NRXN3: variants seen among roughly 807,000 people sequenced by gnomAD.
NRXN3 encodes neurexin 3, also known as neurexin III.
Under a neutral mutation model 137.6 loss-of-function variants are expected in NRXN3, and 32 were observed. That is an observed-to-expected ratio of 0.23 (90% CI 0.18 to 0.31). NRXN3 has a LOEUF of 0.31. NRXN3 is among the 10% of genes least tolerant of loss of function. The pLI is 1.00. For missense variants in NRXN3, 1,574 were observed against 2,062.5 expected, an observed-to-expected ratio of 0.76 and a Z score of 4.59; for synonymous variants, 798 against 784.5, an observed-to-expected ratio of 1.02 and a Z score of -0.29.
At chr14:78,939,895 C>T (rs1035425541) in intron 10 of NRXN3, among the ~76,000 whole-genome samples, 1 of 152,188 alleles carries the variant, frequency 6.6e-6, no homozygotes, top group Non-Finnish European at 1.5e-5. Flanking sequence ...CAATTTGCTC[C>T]CTACGCTTTA....
intron 15 of NRXN3, among the ~76,000 whole-genome samples, chr14:79,458,940 G>A (rs900015305): frequency 1.3e-5 from 2 of 152,084 alleles, no homozygotes; most frequent in African/African-American, 4.8e-5. Flanking sequence ...ACTGCCAGTT[G>A]CATTGTGAAA....
At chr14:78,480,979 G>T (rs188851758) in intron 4 of NRXN3, among the ~76,000 whole-genome samples, 154 of 151,992 alleles carry the variant, frequency 1.0e-3, no homozygotes, top group African/African-American at 3.6e-3. Context: ...ACCTCTTTCT[G>T]TGGCCATTTC....
chr14:79,611,349 C>T (rs1415611514), intron 16 of NRXN3: 1 of 152,214 alleles, frequency 6.6e-6, no homozygotes, highest in East Asian at 1.9e-4. Context: ...CCTGTAATCC[C>T]AGCACTTTGG....
intron 1 of NRXN3, among the ~76,000 whole-genome samples, chr14:78,210,594 G>C (rs1241056821): frequency 2.6e-5 from 4 of 151,864 alleles, no homozygotes; most frequent in African/African-American, 9.7e-5. Flanking sequence ...GTATACACCT[G>C]TGTAACAAAC....
chr14:78,425,129 T>C (rs2093612169), intron 4 of NRXN3, among the ~76,000 whole-genome samples: 1 of 152,236 alleles, frequency 6.6e-6, no homozygotes, highest in Non-Finnish European at 1.5e-5. Flanking sequence ...AATAGACCAG[T>C]ATCCAATGTA....
At chr14:79,669,450 G>A (rs1252890541) in intron 17 of NRXN3, among the ~76,000 whole-genome samples, 2 of 152,086 alleles carry the variant, frequency 1.3e-5, no homozygotes, top group Non-Finnish European at 2.9e-5. Context: ...CTGCTAACTA[G>A]TCATCCTTTC....
rs926375889 is a variant in NRXN3 at position 79,409,820 on chromosome 14, C to A, written c.3263-57401C>A. ...TGGTCCTAACTCTGCTTTCTTACTA[C>A]AATGGCCCACTTACTGCATCCTTAG... On this transcript the variant is annotated intron_variant, in intron 15 of 20. Coordinates refer to ENST00000335750, the MANE Select transcript of NRXN3 (RefSeq NM_001330195.2). Among the ~76,000 whole-genome samples the A allele has an allele frequency of 1.1e-4, 17 of 151,668 alleles. 1 individual carries two copies. Among genetic ancestry groups the A allele is most frequent in the South Asian group, 6.2e-4 (3 of 4,812 alleles).
At chr14:79,610,531 A>G (rs2098086062) in intron 16 of NRXN3, among the ~76,000 whole-genome samples, 1 of 152,148 alleles carries the variant, frequency 6.6e-6, no homozygotes, top group Non-Finnish European at 1.5e-5. Flanking sequence ...TAGCTACTAA[A>G]CCTGTGTCAC....
intron 10 of NRXN3, among the ~76,000 whole-genome samples, chr14:78,851,328 G>A (rs2099041968): frequency 6.6e-6 from 1 of 152,142 alleles, no homozygotes. Flanking sequence ...ATGCCAATGG[G>A]ATGTCACTGA....
chr14:79,723,725 G>A (rs2098859523), intron 19 of NRXN3, among the ~76,000 whole-genome samples: 1 of 152,054 alleles, frequency 6.6e-6, no homozygotes, highest in Non-Finnish European at 1.5e-5. Flanking sequence ...AAAATTAATT[G>A]TTACCTTTTC....
rs970176002 is a variant in NRXN3 at position 79,501,747 on chromosome 14, A to G, written c.3444+34345A>G. 6.8e-5 allele frequency among the ~76,000 whole-genome samples: 3 copies of G among 43,844 alleles called. No homozygotes were observed. The African/African-American group carries it at 8.0e-4, about 12-fold the overall frequency. 28.8% of individuals were successfully genotyped at this position (43,844 alleles called of 152,430 possible). On this transcript the variant is annotated intron_variant, in intron 16 of 20. Coordinates refer to ENST00000335750, the MANE Select transcript of NRXN3 (RefSeq NM_001330195.2). The stretch of plus-strand genomic sequence containing the variant: ...TTGAGCTTTAGTTTTCCCTCTAGGA[A>G]AAAAAAAAAAAGCATGTTAGACGAG...
At chr14:78,950,783 G>A (rs886875137) in intron 10 of NRXN3, among the ~76,000 whole-genome samples, 3 of 152,162 alleles carry the variant, frequency 2.0e-5, no homozygotes, top group Admixed American at 2.0e-4. Context: ...GAAAAATCAG[G>A]CAAGCAGTGA....
intron 4 of NRXN3, among the ~76,000 whole-genome samples, chr14:78,594,431 C>T (rs1280343584): frequency 6.6e-6 from 1 of 152,130 alleles, no homozygotes; most frequent in East Asian, 1.9e-4. Context: ...ATGGGGATCT[C>T]TTAGTGGGGA....
chr14:79,631,177 T>C (rs934878330), intron 16 of NRXN3, among the ~76,000 whole-genome samples: 7 of 152,248 alleles, frequency 4.6e-5, no homozygotes, highest in Admixed American at 6.5e-5. Flanking sequence ...ATGCATGTCA[T>C]ACTCTAATGA....
At chr14:78,829,017 G>C (rs185313413) in intron 10 of NRXN3, among the ~76,000 whole-genome samples, 54 of 152,204 alleles carry the variant, frequency 3.5e-4, no homozygotes, top group African/African-American at 7.2e-5. Context: ...GTCTTGGAAG[G>C]GTTTGGGAAA....
rs1467091733 is a variant in NRXN3, at chr14:79,793,902, T to C, written c.4015-11210T>C. On this transcript the variant is annotated intron_variant, in intron 19 of 20. Coordinates refer to ENST00000335750, the MANE Select transcript of NRXN3 (RefSeq NM_001330195.2). The stretch of plus-strand genomic sequence containing the variant: ...CATAGCCCATATATGCATGTGTCTT[T>C]TGTTCTTATTGGAAGAGTGGAAATG... Among the ~76,000 whole-genome samples, 9 of 152,336 alleles carry C rather than the reference T, an allele frequency of 5.9e-5. No homozygotes were observed. In the East Asian group the frequency reaches 1.7e-3, roughly 29 times the overall value.
In NRXN3 at chr14:78,245,839, G is replaced by A. The variant is rs548491884; in HGVS notation, c.709+2037G>A. Among the ~76,000 whole-genome samples, 57 of 152,232 alleles carry A rather than the reference G, an allele frequency of 3.7e-4. No homozygotes were observed. The East Asian group carries it at 4.1e-3, about 11-fold the overall frequency. On this transcript the variant is annotated intron_variant, in intron 2 of 20. Coordinates refer to ENST00000335750, the MANE Select transcript of NRXN3 (RefSeq NM_001330195.2). ...CAGGCATATATATCGTCCTTATTTG[G>A]CTTCTGTTTTTCCTCCACTGAACCC...
intron 16 of NRXN3, among the ~76,000 whole-genome samples, chr14:79,633,037 A>G (rs2098372118): frequency 6.6e-6 from 1 of 152,188 alleles, no homozygotes; most frequent in Non-Finnish European, 1.5e-5. Flanking sequence ...AGAACATTCA[A>G]GGGATTTGCT....
chr14:78,180,685 A>G (rs1459103795), intron 1 of NRXN3, among the ~76,000 whole-genome samples: 1 of 152,228 alleles, frequency 6.6e-6, no homozygotes, highest in Non-Finnish European at 1.5e-5. Context: ...CATGACTTTT[A>G]GGAAATAAAG....
Sources: gnomAD v4.1 joint callset for allele counts (sites outside exome capture counted in the v4.1 genomes callset) on GRCh38, gnomAD v4.1.1 for gene constraint, MANE v1.5 for transcripts, NCBI Gene and HGNC (gene_info 2026-07-23, HGNC 2026-07-21) for gene names.